The following NFX1 variants were observed in gnomAD, a reference collection of about 807,000 sequenced individuals.
NFX1 encodes transcriptional repressor NF-X1.
A neutral mutation model predicts 137.2 loss-of-function variants in NFX1; 69 were observed. The observed-to-expected ratio is 0.50, with a 90% CI of 0.41 to 0.61. The LOEUF (loss-of-function observed/expected upper bound fraction) is 0.61. Among genes scored for constraint, NFX1 ranks in the 20% least tolerant of loss-of-function variants. NFX1 has a pLI of 0.00. For missense variants in NFX1, 1,167 were observed against 1,391.0 expected (o/e 0.84, Z 2.56); for synonymous variants, 495 against 474.1 (o/e 1.04, Z -0.57).
chr9:33,354,150 A>T lies in NFX1; in HGVS notation c.2794A>T (p.Ser932Cys). The change falls in exon 18 of 24, where the codon AGC (serine) becomes TGC (cysteine). Residue 932 changes from serine to cysteine, a missense_variant. Transcript: ENST00000379540. ...GCAGCTTGGAGGTTCAGTGGAGATC[A>T]GCAAGTTAATTACCAAAAAGGAAGT... is the stretch of plus-strand genomic sequence containing the variant. ...DMQLGGSVEI[S>C]KLITKKEVHQ... is the part of the protein sequence containing the mutation. 1 of 1,613,714 alleles carries T rather than the reference A, an allele frequency of 6.2e-7. No homozygotes were observed. The highest frequency in any genetic ancestry group is 8.5e-7 in the Non-Finnish European group (1 of 1,179,846).
At position 33,290,534 on chromosome 9, in the gene NFX1, A is replaced by C. The variant is rs830576; in HGVS notation, c.-39A>C. On this transcript the variant is annotated 5_prime_UTR_variant, in exon 1 of 24. Transcript: ENST00000379540. ...GGCACGTGACCTGGTGACAGTGCTG[A>C]CTTGGCTGTACAGCTCGATCTAGGT... 42 of 1,613,138 alleles carry C rather than the reference A, an allele frequency of 2.6e-5. No individual in the cohort carries two copies. Among genetic ancestry groups the C allele is most frequent in the Non-Finnish European group, 3.5e-5 (41 of 1,179,456 alleles).
chr9:33,367,688 C>G (rs1277211020), intron 23 of NFX1, 69 bp downstream of exon 23: 1 of 1,467,852 alleles, frequency 6.8e-7, no homozygotes, highest in Non-Finnish European at 9.5e-7. Context: ...CTGAATTGTC[C>G]TGAGCTGCAC....
chr9:33,312,455 T>C (rs1175141916), intron 6 of NFX1, among the ~76,000 whole-genome samples: 1 of 152,224 alleles, frequency 6.6e-6, no homozygotes, highest in African/African-American at 2.4e-5. Context: ...ACAGTGACTT[T>C]TAAAAACAAA....
chr9:33,345,868 A>G (rs985631368), intron 14 of NFX1, among the ~76,000 whole-genome samples: 6 of 152,294 alleles, frequency 3.9e-5, no homozygotes, highest in Non-Finnish European at 7.3e-5. Context: ...ACATCACTCA[A>G]TTTCCGTATC....
At chr9:33,352,275 C>T in intron 16 of NFX1, 1 of 395,982 alleles carries the variant, frequency 2.5e-6, no homozygotes, top group Admixed American at 3.2e-5. Context: ...GGAGGTTAAG[C>T]CTGGTCTAAA....
chr9:33,295,208 G>A lies in NFX1; in HGVS notation c.814G>A (p.Ala272Thr), dbSNP rs200165112. 4.5e-4 allele frequency: 723 copies of A among 1,614,128 alleles called. No homozygotes were observed. The highest frequency in any genetic ancestry group is 3.5e-3 in the East Asian group (157 of 44,878). The part of the protein sequence containing the change: ...PKQEGHRHTN[A>T]GHRNNMGPIP... ...ACAGGAGGGCCACCGACATACAAAC[G>A]CAGGACACAGAAACAACATGGGCCC... is the stretch of plus-strand genomic sequence containing the variant. The change falls in exon 2 of 24, where the codon GCA becomes ACA. Residue 272 changes from alanine (A) to threonine (T), a missense_variant. By Grantham distance (58) the Ala-to-Thr change is moderately conservative. This residue lies in a region of NFX1 where 367 missense variants were observed against 386.7 expected (regional missense o/e 0.95). Transcript: ENST00000379540.
chr9:33,345,837 T>C (rs1823402216), intron 14 of NFX1, among the ~76,000 whole-genome samples: 1 of 152,238 alleles, frequency 6.6e-6, no homozygotes, highest in South Asian at 2.1e-4. Context: ...ACTGCTCAGA[T>C]ACCAGGCCAA....
intron 12 of NFX1, among the ~76,000 whole-genome samples, chr9:33,338,843 A>G (rs1449115362): frequency 6.6e-6 from 1 of 152,068 alleles, no homozygotes; most frequent in African/African-American, 2.4e-5. Context: ...GAGATAAGAG[A>G]AGGTCTCACA....
At chr9:33,326,975 A>T (rs1822617167) in intron 9 of NFX1, among the ~76,000 whole-genome samples, 1 of 152,198 alleles carries the variant, frequency 6.6e-6, no homozygotes, top group African/African-American at 2.4e-5. Flanking sequence ...AGGGACCATT[A>T]AGAAAATAAC....
intron 9 of NFX1, among the ~76,000 whole-genome samples, chr9:33,322,785 T>A (rs966361996): frequency 5.3e-5 from 8 of 152,162 alleles, no homozygotes; most frequent in African/African-American, 1.7e-4. Flanking sequence ...AGGAACTGAC[T>A]TTATTTGAAA....
At position 33,302,058 on chromosome 9, in the gene NFX1, C is replaced by G. The variant is rs141410248; in HGVS notation, c.1192+637C>G. 2.2e-3 allele frequency among the ~76,000 whole-genome samples: 331 copies of G among 152,216 alleles called. 2 individuals are homozygous for G. The highest frequency in any genetic ancestry group is 7.7e-3 in the African/African-American group (319 of 41,528). On this transcript the variant is annotated intron_variant, in intron 3 of 23. Transcript: ENST00000379540. ...CTGCCCTCCAGCCTGGGTGACAGAG[C>G]AAGACCCTGTCTCAAACAAACAAAA...
At chr9:33,329,511 C>G (rs1253315080) in intron 10 of NFX1, among the ~76,000 whole-genome samples, 1 of 152,190 alleles carries the variant, frequency 6.6e-6, no homozygotes, top group Admixed American at 6.5e-5. Context: ...TGGCATTCCA[C>G]TAGGCTTAGA....
At chr9:33,314,366 G>C (rs1389079344) in intron 7 of NFX1, among the ~76,000 whole-genome samples, 1 of 151,632 alleles carries the variant, frequency 6.6e-6, no homozygotes, top group Admixed American at 6.6e-5. Flanking sequence ...GACCTAGAAA[G>C]ACCAAAATAA....
At chr9:33,358,219 G>A (rs1823875952) in intron 19 of NFX1, among the ~76,000 whole-genome samples, 1 of 151,714 alleles carries the variant, frequency 6.6e-6, no homozygotes, top group African/African-American at 2.4e-5. Flanking sequence ...CCACCTCCCG[G>A]GTTCACGCCA....
At chr9:33,339,916 C>A (rs1333272269) in intron 12 of NFX1, among the ~76,000 whole-genome samples, 1 of 152,264 alleles carries the variant, frequency 6.6e-6, no homozygotes, top group Admixed American at 6.5e-5. Flanking sequence ...TTCCCATGGT[C>A]TTGGACAGCT....
chr9:33,306,812 C>G (rs1256652595), intron 4 of NFX1, among the ~76,000 whole-genome samples: 9 of 152,184 alleles, frequency 5.9e-5, no homozygotes, highest in African/African-American at 2.2e-4. Context: ...CCACGGTGCT[C>G]TTCTCTTATT....
chr9:33,362,541 C>T (rs899035185), intron 19 of NFX1, among the ~76,000 whole-genome samples: 1 of 151,958 alleles, frequency 6.6e-6, no homozygotes, highest in Admixed American at 6.6e-5. Flanking sequence ...CGATCTCACT[C>T]ATATGTAGAA....
intron 9 of NFX1, among the ~76,000 whole-genome samples, chr9:33,319,875 C>T (rs889193952): frequency 1.3e-5 from 2 of 152,118 alleles, no homozygotes; most frequent in Non-Finnish European, 2.9e-5. Flanking sequence ...ATGTCAGCCT[C>T]TGTAGCTAAG....
At chr9:33,325,193 T>A (rs889918748) in intron 9 of NFX1, among the ~76,000 whole-genome samples, 5 of 152,070 alleles carry the variant, frequency 3.3e-5, no homozygotes, top group African/African-American at 9.7e-5. Flanking sequence ...TCTAGACATA[T>A]AATAAAAATG....
Sources: allele counts gnomAD v4.1 joint callset (sites outside exome capture counted in the v4.1 genomes callset), GRCh38; gene constraint gnomAD v4.1.1; regional missense constraint gnomAD v4.1.1; transcripts MANE v1.5; gene names NCBI Gene and HGNC (gene_info 2026-07-23, HGNC 2026-07-21).